SAMD4A: variants seen among roughly 807,000 people sequenced by gnomAD.
SAMD4A encodes protein Smaug homolog 1.
SAMD4A carries 33 observed loss-of-function variants against 81.3 expected under a neutral mutation model. That is an observed-to-expected ratio of 0.41 (90% CI 0.31 to 0.54). SAMD4A has a LOEUF of 0.54. Ranked by LOEUF, SAMD4A falls within the 20% of genes least tolerant of loss-of-function variation. The pLI is 0.37. For synonymous variants in SAMD4A, 389 were observed against 382.1 expected (o/e 1.02, Z -0.21); for missense variants, 854 against 951.1 (o/e 0.90, Z 1.34).
intron 2 of SAMD4A, among the ~76,000 whole-genome samples, chr14:54,654,064 G>A (rs565104943): frequency 2.6e-5 from 4 of 152,190 alleles, no homozygotes; most frequent in Admixed American, 6.5e-5. Context: ...AGGAGTCTCC[G>A]GCTGGGTTCT....
At chr14:54,679,668 G>A (rs902859748) in intron 2 of SAMD4A, among the ~76,000 whole-genome samples, 22 of 152,174 alleles carry the variant, frequency 1.4e-4, no homozygotes, top group African/African-American at 4.3e-4. Flanking sequence ...AGTGGCGGGT[G>A]ATGGAAGACC....
chr14:54,774,283 C>A (rs1012634770), intron 9 of SAMD4A, among the ~76,000 whole-genome samples: 1 of 152,228 alleles, frequency 6.6e-6, no homozygotes, highest in Non-Finnish European at 1.5e-5. Flanking sequence ...AGGGTTGTTG[C>A]AAGGATCGAA....
At chr14:54,743,127 C>T (rs1474388126) in intron 4 of SAMD4A, among the ~76,000 whole-genome samples, 1 of 152,250 alleles carries the variant, frequency 6.6e-6, no homozygotes, top group East Asian at 1.9e-4. Context: ...TACAGCAGTT[C>T]TGAGGGTCAC....
rs771883704 is a variant in SAMD4A, at chr14:54,567,916, C to T, written c.-1C>T. ...TGTAGACCGAGGGCGGCCCCCTAACCATGATGTTTCGCGACCAGGTCGGGG... is the reference window on the plus strand; with the variant it reads ...TGTAGACCGAGGGCGGCCCCCTAACTATGATGTTTCGCGACCAGGTCGGGG... On this transcript the variant is annotated 5_prime_UTR_variant, in exon 2 of 13. Transcript: ENST00000554335. 4 of 1,606,492 alleles carry T rather than the reference C, an allele frequency of 2.5e-6. No homozygotes were observed. Among genetic ancestry groups the T allele is most frequent in the Admixed American group, 1.7e-5 (1 of 59,752 alleles).
chr14:54,748,968 A>G lies in SAMD4A; in HGVS notation c.1089+44A>G, dbSNP rs1179468382. 2.1e-6 allele frequency: 3 copies of G among 1,396,258 alleles called. No homozygotes were observed. The Admixed American group carries it at 5.9e-5, about 28-fold the overall frequency. The allele number at this position is 1,396,258 out of a possible 1,614,324, so 86.5% of individuals were successfully genotyped here. On this transcript the variant is annotated intron_variant, in intron 5 of 12. Coordinates refer to ENST00000554335, the MANE Select transcript of SAMD4A (RefSeq NM_015589.6). ...TGTTCCCTGAGAGGGTGCCCCAGGC[A>G]GGACCTGAAGTTCAAGGCCTGGACA...
At chr14:54,778,721 G>A (rs115699163) in intron 11 of SAMD4A, among the ~76,000 whole-genome samples, 2,024 of 152,228 alleles carry the variant, frequency 0.013, 54 homozygotes, top group African/African-American at 0.046. Flanking sequence ...GAAAAAGCCC[G>A]CTCTAAATTT....
intron 2 of SAMD4A, among the ~76,000 whole-genome samples, chr14:54,631,410 C>A (rs1339238873): frequency 6.6e-6 from 1 of 152,172 alleles, no homozygotes; most frequent in African/African-American, 2.4e-5. Flanking sequence ...ATGCTGTCCT[C>A]CTCTGCCTCT....
At chr14:54,646,429 T>G (rs2035289632) in intron 2 of SAMD4A, among the ~76,000 whole-genome samples, 1 of 152,238 alleles carries the variant, frequency 6.6e-6, no homozygotes, top group Admixed American at 6.5e-5. Flanking sequence ...GGCCCCGCCC[T>G]CAGAGTTTGT....
intron 3 of SAMD4A, among the ~76,000 whole-genome samples, chr14:54,707,485 C>T (rs1468765170): frequency 6.6e-6 from 1 of 152,160 alleles, no homozygotes; most frequent in African/African-American, 2.4e-5. Flanking sequence ...CTTCCCTGCT[C>T]AAGGCACTTG....
intron 8 of SAMD4A, 46 bp downstream of exon 8, chr14:54,764,586 A>T (rs1166663980): frequency 7.9e-7 from 1 of 1,271,250 alleles, no homozygotes; most frequent in East Asian, 2.3e-5. Flanking sequence ...TTTATTGCTT[A>T]GAAATGGTTC....
chr14:54,780,879 G>T lies in SAMD4A; in HGVS notation c.2045-3658G>T, dbSNP rs117832890. Among the ~76,000 whole-genome samples the T allele has an allele frequency of 9.8e-3, 1,497 of 152,024 alleles. 15 individuals are homozygous for T. The highest frequency in any genetic ancestry group is 0.016 in the Admixed American group (239 of 15,266). On this transcript the variant is annotated intron_variant, in intron 11 of 12. Coordinates refer to ENST00000554335, the MANE Select transcript of SAMD4A (RefSeq NM_015589.6). The stretch of plus-strand genomic sequence containing the variant: ...TTCATTACTCCTGCCACCCTCCATG[G>T]CCATCTCTGCCATCCTCAGCTTGCC...
chr14:54,736,048 A>G (rs909138446), intron 3 of SAMD4A, among the ~76,000 whole-genome samples: 4 of 152,208 alleles, frequency 2.6e-5, no homozygotes, highest in Admixed American at 1.3e-4. Context: ...AATGTTATGA[A>G]TAGACTTATT....
chr14:54,722,599 AC>A (rs1332666287), intron 3 of SAMD4A, among the ~76,000 whole-genome samples: 4 of 152,250 alleles, frequency 2.6e-5, no homozygotes, highest in South Asian at 2.1e-4. Flanking sequence ...CTTAGCGTCA[AC>A]ATCAACTTTG....
intron 6 of SAMD4A, among the ~76,000 whole-genome samples, chr14:54,752,041 A>G (rs1238903643): frequency 6.6e-6 from 1 of 152,248 alleles, no homozygotes; most frequent in Non-Finnish European, 1.5e-5. Flanking sequence ...GCAGGCAGAC[A>G]TATTTGGCTC....
chr14:54,783,657 G>A (rs977704253), intron 11 of SAMD4A, among the ~76,000 whole-genome samples: 10 of 152,218 alleles, frequency 6.6e-5, no homozygotes, highest in African/African-American at 2.2e-4. Flanking sequence ...GCTGAGCCCC[G>A]GCTCTGGAGT....
chr14:54,691,970 A>G (rs2036454239), intron 2 of SAMD4A, among the ~76,000 whole-genome samples: 1 of 152,226 alleles, frequency 6.6e-6, no homozygotes, highest in Non-Finnish European at 1.5e-5. Context: ...AATGAGTGAT[A>G]CATACATTTT....
intron 2 of SAMD4A, among the ~76,000 whole-genome samples, chr14:54,611,887 A>G (rs1277689789): frequency 6.6e-6 from 1 of 151,960 alleles, no homozygotes; most frequent in Non-Finnish European, 1.5e-5. Context: ...AAAAAAAAAA[A>G]AAAGAAAAAA....
chr14:54,785,242 G>C (rs571091397), intron 12 of SAMD4A, among the ~76,000 whole-genome samples: 1 of 152,352 alleles, frequency 6.6e-6, no homozygotes, highest in East Asian at 1.9e-4. Flanking sequence ...GCCCAGAATG[G>C]GGGCTGTGCT....
At chr14:54,600,935 C>T (rs1174007482) in intron 2 of SAMD4A, among the ~76,000 whole-genome samples, 2 of 152,198 alleles carry the variant, frequency 1.3e-5, no homozygotes, top group Non-Finnish European at 2.9e-5. Flanking sequence ...CTATGCATAG[C>T]TATGCCTTTA....
Sources: allele counts gnomAD v4.1 joint callset (sites outside exome capture counted in the v4.1 genomes callset), GRCh38; gene constraint gnomAD v4.1.1; transcripts MANE v1.5; gene names NCBI Gene and HGNC (gene_info 2026-07-23, HGNC 2026-07-21).